Variants in PREP observed in about 807,000 individuals in gnomAD.
The protein encoded by PREP is dJ355L5.1 (prolyl endopeptidase).
A neutral mutation model predicts 87.6 loss-of-function variants in PREP; 29 were observed. That is an observed-to-expected ratio of 0.33 (90% CI 0.25 to 0.45). The LOEUF is 0.45. PREP is among the 20% of genes least tolerant of loss of function. PREP has a pLI of 1.00. For missense variants in PREP, 695 were observed against 886.5 expected, an observed-to-expected ratio of 0.78 and a Z score of 2.74; for synonymous variants, 337 against 328.6, an observed-to-expected ratio of 1.03 and a Z score of -0.28.
intron 10 of PREP, among the ~76,000 whole-genome samples, chr6:105,311,441 C>A (rs76189711): frequency 6.6e-6 from 1 of 152,284 alleles, no homozygotes; most frequent in East Asian, 1.9e-4. Context: ...GGCCGCCTGT[C>A]CCCCATTTTC....
Position 105,276,042 on chromosome 6 carries a change from A to G in PREP, c.*2102T>C, listed in dbSNP as rs1769924263. 6.6e-6 allele frequency among the ~76,000 whole-genome samples: 1 copy of G among 152,270 alleles called. No individual in the cohort carries two copies. Among genetic ancestry groups the G allele is most frequent in the South Asian group, 2.1e-4 (1 of 4,832 alleles). ...ATCATAAGAAAGAGCCAAAGGGCAG[A>G]GCACAGGATACAGAAAAGTGGGATC... On this transcript the variant is annotated 3_prime_UTR_variant, in exon 15 of 15. Coordinates refer to ENST00000652536, the MANE Select transcript of PREP (RefSeq NM_002726.5).
chr6:105,341,394 A>C (rs1751682915), intron 7 of PREP, among the ~76,000 whole-genome samples: 1 of 152,248 alleles, frequency 6.6e-6, no homozygotes, highest in South Asian at 2.1e-4. Context: ...AGCAGTGTTT[A>C]GAGGGAAATG....
At chr6:105,358,346 T>G (rs533067652) in intron 6 of PREP, among the ~76,000 whole-genome samples, 1 of 152,330 alleles carries the variant, frequency 6.6e-6, no homozygotes, top group Non-Finnish European at 1.5e-5. Context: ...TAGGTTACTC[T>G]GACAGTCTAC....
At chr6:105,349,012 C>T (rs938200745) in intron 7 of PREP, among the ~76,000 whole-genome samples, 1 of 151,914 alleles carries the variant, frequency 6.6e-6, no homozygotes, top group Non-Finnish European at 1.5e-5. Context: ...TCTTTGGAGA[C>T]GATCTGCTTA....
Position 105,278,548 on chromosome 6 carries a change from G to A in PREP, c.1839-110C>T, listed in dbSNP as rs1409468535. 4.4e-6 allele frequency: 5 copies of A among 1,137,558 alleles called. No homozygotes were observed. The highest frequency in any genetic ancestry group is 3.0e-5 in the South Asian group (2 of 66,314). The allele number at this position is 1,137,558 out of a possible 1,614,324, so 70.5% of individuals were successfully genotyped here. ...AGGACTGCAGTTAACTAGTACGTGA[G>A]TGACCACCATGGACTGTGCCTATGC... On this transcript the variant is annotated intron_variant, in intron 14 of 14. Transcript: ENST00000652536. The surrounding 1 kb of genome is among the most constrained non-coding windows in gnomAD (Gnocchi z 4.2).
Position 105,346,742 on chromosome 6 carries a change from C to CTT in PREP, c.823+6228_823+6229dup, listed in dbSNP as rs545032296. Among the ~76,000 whole-genome samples the CTT allele has an allele frequency of 5.7e-3, 874 of 152,348 alleles. 5 individuals carry two copies. Among genetic ancestry groups the CTT allele is most frequent in the Non-Finnish European group, 9.0e-3 (614 of 68,028 alleles). Reference sequence around the variant, plus strand: ...AGTTACTAACAAAAAAGATTTCAGACTTACGGTTCTTTTTGCCTAACAATC... The same window carrying CTT: ...AGTTACTAACAAAAAAGATTTCAGACTTTTACGGTTCTTTTTGCCTAACAATC... On this transcript the variant is annotated intron_variant, in intron 7 of 14. Coordinates refer to ENST00000652536, the MANE Select transcript of PREP (RefSeq NM_002726.5).
At chr6:105,285,925 G>C (rs532710182) in intron 11 of PREP, among the ~76,000 whole-genome samples, 1 of 152,080 alleles carries the variant, frequency 6.6e-6, no homozygotes, top group Non-Finnish European at 1.5e-5. Context: ...ACAGGTGTGC[G>C]CCACCATGCC....
chr6:105,304,298 T>C (rs1179660321), intron 10 of PREP, among the ~76,000 whole-genome samples: 1 of 152,214 alleles, frequency 6.6e-6, no homozygotes. Flanking sequence ...ATAACAAACT[T>C]GAACATCCTC....
At chr6:105,394,560 T>C (rs1773240822) in intron 2 of PREP, among the ~76,000 whole-genome samples, 1 of 152,254 alleles carries the variant, frequency 6.6e-6, no homozygotes, top group Non-Finnish European at 1.5e-5. Context: ...TATATGATTA[T>C]GTATCTAAAA....
chr6:105,393,872 T>C (rs1160601891), intron 2 of PREP, among the ~76,000 whole-genome samples: 1 of 152,136 alleles, frequency 6.6e-6, no homozygotes, highest in African/African-American at 2.4e-5. Flanking sequence ...CAGATGTTTC[T>C]AATGTCCTGA....
intron 12 of PREP, among the ~76,000 whole-genome samples, chr6:105,284,608 A>G (rs982032798): frequency 6.6e-6 from 1 of 152,052 alleles, no homozygotes; most frequent in African/African-American, 2.4e-5. Flanking sequence ...GATGGCTGAA[A>G]AGACTGGGGG....
At chr6:105,307,566 AT>A in intron 10 of PREP, among the ~76,000 whole-genome samples, 1 of 152,286 alleles carries the variant, frequency 6.6e-6, no homozygotes, top group East Asian at 1.9e-4. Context: ...TGCTTAATAA[AT>A]ATCTGTGAAA....
At chr6:105,355,519 G>A (rs1772075070) in intron 6 of PREP, among the ~76,000 whole-genome samples, 1 of 152,140 alleles carries the variant, frequency 6.6e-6, no homozygotes, top group African/African-American at 2.4e-5. Context: ...TCCTCTGGCT[G>A]CTTTTAGTAT....
At chr6:105,307,560 TAATA>T (rs1387122842) in intron 10 of PREP, among the ~76,000 whole-genome samples, 1 of 152,136 alleles carries the variant, frequency 6.6e-6, no homozygotes, top group Non-Finnish European at 1.5e-5. Context: ...GCATAGTGCT[TAATA>T]AATATCTGTG....
At chr6:105,328,512 A>G (rs181008155) in intron 9 of PREP, among the ~76,000 whole-genome samples, 1 of 152,192 alleles carries the variant, frequency 6.6e-6, no homozygotes, top group Non-Finnish European at 1.5e-5. Flanking sequence ...GGCCTCCCAA[A>G]GTGCTGGGAT....
intron 10 of PREP, among the ~76,000 whole-genome samples, chr6:105,295,709 G>A (rs1034015017): frequency 6.6e-6 from 1 of 152,154 alleles, no homozygotes; most frequent in Non-Finnish European, 1.5e-5. Flanking sequence ...ATACACATAG[G>A]AGTTATTATT....
chr6:105,307,936 T>C (rs1355358864), intron 10 of PREP, among the ~76,000 whole-genome samples: 6 of 152,196 alleles, frequency 3.9e-5, no homozygotes, highest in African/African-American at 1.2e-4. Context: ...CTTAGACACT[T>C]ACTGTGATTT....
chr6:105,377,565 T>TCA (rs778797177), intron 2 of PREP, 46 bp from the exon 3 acceptor site: 38 of 1,594,956 alleles, frequency 2.4e-5, no homozygotes, highest in Non-Finnish European at 3.2e-5. Flanking sequence ...TATAAAATTT[T>TCA]CCATGTGAAA....
chr6:105,398,586 C>T (rs967038726), intron 1 of PREP, among the ~76,000 whole-genome samples: 1 of 152,114 alleles, frequency 6.6e-6, no homozygotes, highest in Non-Finnish European at 1.5e-5. Context: ...AAAAGCATCA[C>T]CCATTCAGGT....
Sources: allele counts gnomAD v4.1 joint callset (sites outside exome capture counted in the v4.1 genomes callset), GRCh38; gene constraint gnomAD v4.1.1; non-coding constraint Gnocchi (gnomAD v3.1); transcripts MANE v1.5; gene names NCBI Gene and HGNC (gene_info 2026-07-23, HGNC 2026-07-21).